The following TSHZ2 variants were observed in gnomAD, a reference collection of about 807,000 sequenced individuals.
The protein encoded by TSHZ2 is teashirt zinc finger homeobox 2, also known as teashirt homolog 2.
Under a neutral mutation model 74.4 loss-of-function variants are expected in TSHZ2, and 21 were observed. The ratio of observed to expected loss-of-function variants is 0.28; its 90% CI spans 0.20 to 0.41. The LOEUF is 0.41. Among genes scored for constraint, TSHZ2 ranks in the 10% least tolerant of loss-of-function variants. TSHZ2 has a pLI of 1.00. For synonymous variants in TSHZ2, 540 were observed against 515.3 expected (o/e 1.05, Z -0.65); for missense variants, 1,244 against 1,293.5 (o/e 0.96, Z 0.59).
In TSHZ2 at chr20:53,101,956, T is replaced by C. The variant is rs572277342; in HGVS notation, c.40+128623T>C. 2.0e-5 allele frequency among the ~76,000 whole-genome samples: 3 copies of C among 152,298 alleles called. No homozygotes were observed. The East Asian group carries it at 5.8e-4, about 29-fold the overall frequency. ...TTTGGGGAGCGTCTTTTGAAATTTG[T>C]CCTCATTGTTGGAATATCCCTATGA... On this transcript the variant is annotated intron_variant, in intron 1 of 2. Coordinates refer to ENST00000371497, the MANE Select transcript of TSHZ2 (RefSeq NM_173485.6).
chr20:53,336,334 A>G (rs1263124111), intron 2 of TSHZ2, among the ~76,000 whole-genome samples: 1 of 152,196 alleles, frequency 6.6e-6, no homozygotes, highest in African/African-American at 2.4e-5. Flanking sequence ...TGCAAATCGG[A>G]CACTCCAAAA....
At chr20:53,119,149 G>A (rs1442495947) in intron 1 of TSHZ2, among the ~76,000 whole-genome samples, 1 of 152,016 alleles carries the variant, frequency 6.6e-6, no homozygotes, top group African/African-American at 2.4e-5. Context: ...AATTTCCTAG[G>A]GACACAGATC....
chr20:53,284,160 G>T (rs897007527), intron 2 of TSHZ2, among the ~76,000 whole-genome samples: 7 of 152,144 alleles, frequency 4.6e-5, no homozygotes, highest in Admixed American at 4.6e-4. Context: ...TGTAGCTTGG[G>T]CTTGTTGAGA....
intron 2 of TSHZ2, among the ~76,000 whole-genome samples, chr20:53,351,191 T>A (rs2145586235): frequency 6.6e-6 from 1 of 152,328 alleles, no homozygotes; most frequent in East Asian, 1.9e-4. Context: ...TTCTGAAATA[T>A]AAAATAGTCA....
chr20:53,431,244 G>A (rs979958045), intron 2 of TSHZ2, among the ~76,000 whole-genome samples: 3 of 151,910 alleles, frequency 2.0e-5, no homozygotes, highest in African/African-American at 7.3e-5. Flanking sequence ...ATCACTTGAG[G>A]TCAGGAGTCC....
chr20:53,060,811 C>T (rs1197349108), intron 1 of TSHZ2, among the ~76,000 whole-genome samples: 5 of 152,208 alleles, frequency 3.3e-5, no homozygotes, highest in East Asian at 1.9e-4. Flanking sequence ...CCATCAAAAC[C>T]GTGGATATCA....
At chr20:53,017,589 AAATAT>A (rs148040579) in intron 1 of TSHZ2, among the ~76,000 whole-genome samples, 1,853 of 152,284 alleles carry the variant, frequency 0.012, 40 homozygotes, top group African/African-American at 0.042. Flanking sequence ...TAAATTAAGT[AAATAT>A]AATAGGGAAA....
chr20:53,342,366 G>A (rs1980243861), intron 2 of TSHZ2, among the ~76,000 whole-genome samples: 1 of 144,224 alleles, frequency 6.9e-6, no homozygotes, highest in East Asian at 2.0e-4. Context: ...GTATACTGTA[G>A]TATCTCATTT....
chr20:53,164,675 T>C (rs980124912), intron 1 of TSHZ2, among the ~76,000 whole-genome samples: 2 of 152,226 alleles, frequency 1.3e-5, no homozygotes, highest in African/African-American at 4.8e-5. Flanking sequence ...GACTACTATA[T>C]TGAACTGCAC....
At chr20:53,351,094 G>A (rs1164532248) in intron 2 of TSHZ2, among the ~76,000 whole-genome samples, 2 of 152,228 alleles carry the variant, frequency 1.3e-5, no homozygotes, top group Non-Finnish European at 2.9e-5. Context: ...TCGTTAGGAA[G>A]AAGCAAAGAA....
At chr20:53,281,584 A>G (rs944952617) in intron 2 of TSHZ2, among the ~76,000 whole-genome samples, 3 of 152,210 alleles carry the variant, frequency 2.0e-5, no homozygotes, top group African/African-American at 4.8e-5. Context: ...CCCACAGGCT[A>G]GAGTTTACCA....
At chr20:53,484,895 T>C (rs1441406049) in intron 2 of TSHZ2, among the ~76,000 whole-genome samples, 2 of 152,210 alleles carry the variant, frequency 1.3e-5, no homozygotes. Context: ...AATTTGTCTT[T>C]ATCCTTCCAC....
chr20:53,417,757 C>G (rs1431594184), intron 2 of TSHZ2, among the ~76,000 whole-genome samples: 1 of 152,030 alleles, frequency 6.6e-6, no homozygotes, highest in Non-Finnish European at 1.5e-5. Context: ...ATCCTATCTT[C>G]AACAAAAACT....
intron 2 of TSHZ2, among the ~76,000 whole-genome samples, chr20:53,274,164 G>A (rs1345686218): frequency 5.3e-5 from 8 of 152,176 alleles, no homozygotes; most frequent in Non-Finnish European, 1.2e-4. Context: ...CAGCTACTCA[G>A]GAAGCTGAGG....
Position 53,488,673 on chromosome 20 carries a change from G to T in TSHZ2, c.*1538G>T, listed in dbSNP as rs1986360580. 3.7e-6 allele frequency: 1 copy of T among 270,098 alleles called. No homozygotes were observed. The highest frequency in any genetic ancestry group is 5.1e-5 in the Admixed American group (1 of 19,540). 16.7% of individuals were successfully genotyped at this position (270,098 alleles called of 1,614,324 possible). ...GGAACTAGGTGATTCTGAAACAAAA[G>T]GAATATTTTCTGTTGTTGCTTTAAT... is the stretch of plus-strand genomic sequence containing the variant. On this transcript the variant is annotated 3_prime_UTR_variant, in exon 3 of 3. Coordinates refer to ENST00000371497, the MANE Select transcript of TSHZ2 (RefSeq NM_173485.6).
chr20:53,211,159 C>A (rs957552674), intron 1 of TSHZ2, among the ~76,000 whole-genome samples: 1 of 152,056 alleles, frequency 6.6e-6, no homozygotes, highest in African/African-American at 2.4e-5. Context: ...TTGCTGTAAC[C>A]CTGTGAGGTA....
intron 1 of TSHZ2, among the ~76,000 whole-genome samples, chr20:53,172,438 T>C (rs1988225115): frequency 6.6e-6 from 1 of 152,220 alleles, no homozygotes; most frequent in African/African-American, 2.4e-5. Flanking sequence ...TTTAAAATAT[T>C]TAAAAGATGT....
At chr20:53,033,409 G>A (rs964886) in intron 1 of TSHZ2, among the ~76,000 whole-genome samples, 110,606 of 151,966 alleles carry the variant, frequency 0.73, 41,744 homozygotes, top group East Asian at 0.96. Flanking sequence ...GGGGAAAAGC[G>A]AACATAAGCT....
chr20:53,007,394 C>T (rs2122984915), intron 1 of TSHZ2, among the ~76,000 whole-genome samples: 1 of 152,286 alleles, frequency 6.6e-6, no homozygotes, highest in Non-Finnish European at 1.5e-5. Context: ...AAAAAGATGA[C>T]TTGCAATATG....
Sources: gnomAD v4.1 joint callset for allele counts (sites outside exome capture counted in the v4.1 genomes callset) on GRCh38, gnomAD v4.1.1 for gene constraint, MANE v1.5 for transcripts, NCBI Gene and HGNC (gene_info 2026-07-23, HGNC 2026-07-21) for gene names.